The following STXBP5 variants were observed in gnomAD, a reference collection of about 807,000 sequenced individuals.
STXBP5 encodes syntaxin binding protein 5.
STXBP5 carries 50 observed loss-of-function variants against 152.4 expected under a neutral mutation model. That is an observed-to-expected ratio of 0.33 (90% confidence interval 0.26 to 0.42). The LOEUF is 0.42. Ranked by LOEUF, STXBP5 falls within the 10% of genes least tolerant of loss-of-function variation. The pLI is 1.00. For synonymous variants in STXBP5, 492 were observed against 494.7 expected (o/e 0.99, Z 0.07); for missense variants, 1,167 against 1,388.6 (o/e 0.84, Z 2.54).
At position 147,220,167 on chromosome 6, in the gene STXBP5, A is replaced by C. The variant is rs142292684; in HGVS notation, c.248+14099A>C. Among the ~76,000 whole-genome samples, 364 of 152,082 alleles carry C rather than the reference A, an allele frequency of 2.4e-3. 4 individuals carry two copies. The highest frequency in any genetic ancestry group is 6.8e-3 in the Middle Eastern group (2 of 294). ...TAGAATTGTTTTGTTTAATCTCTAC[A>C]TATTTTGGGATTTTCCAGCTCTCTT... On this transcript the variant is annotated intron_variant, in intron 2 of 27. Transcript: ENST00000321680.
At chr6:147,355,738 A>C (rs560333423) in intron 22 of STXBP5, among the ~76,000 whole-genome samples, 1 of 152,256 alleles carries the variant, frequency 6.6e-6, no homozygotes, top group Non-Finnish European at 1.5e-5. Context: ...AGTTATGTAG[A>C]TTCAATAAAA....
intron 21 of STXBP5, among the ~76,000 whole-genome samples, chr6:147,352,542 C>T (rs752890557): frequency 1.3e-5 from 2 of 149,980 alleles, no homozygotes; most frequent in Admixed American, 6.6e-5. Flanking sequence ...CCCTGAGAGG[C>T]GGAGGCTGCA....
At chr6:147,242,459 C>T (rs1318898383) in intron 4 of STXBP5, among the ~76,000 whole-genome samples, 1 of 152,088 alleles carries the variant, frequency 6.6e-6, no homozygotes, top group African/African-American at 2.4e-5. Context: ...CAGTAATGTC[C>T]TAGGTCTTCA....
At chr6:147,307,545 A>G (rs578059468) in intron 9 of STXBP5, among the ~76,000 whole-genome samples, 2 of 152,214 alleles carry the variant, frequency 1.3e-5, no homozygotes, top group East Asian at 3.9e-4. Flanking sequence ...TGTATTTATG[A>G]CTAATTTCTT....
At chr6:147,255,720 C>G (rs1779327872) in intron 4 of STXBP5, among the ~76,000 whole-genome samples, 1 of 152,128 alleles carries the variant, frequency 6.6e-6, no homozygotes, top group Admixed American at 6.5e-5. Context: ...ACTATATTGC[C>G]CCGGGCTCAT....
At chr6:147,254,072 C>T (rs1316903029) in intron 4 of STXBP5, among the ~76,000 whole-genome samples, 1 of 152,158 alleles carries the variant, frequency 6.6e-6, no homozygotes, top group Admixed American at 6.5e-5. Context: ...ACCAAAATAG[C>T]ATGGTACTGG....
chr6:147,280,850 T>A (rs899926580), intron 8 of STXBP5, among the ~76,000 whole-genome samples: 2 of 152,178 alleles, frequency 1.3e-5, no homozygotes, highest in African/African-American at 4.8e-5. Flanking sequence ...ATAAATGGAT[T>A]TTTTTCTGTG....
intron 8 of STXBP5, among the ~76,000 whole-genome samples, chr6:147,287,711 T>C (rs1389727087): frequency 6.6e-6 from 1 of 152,334 alleles, no homozygotes; most frequent in East Asian, 1.9e-4. Flanking sequence ...TTCTTAAACA[T>C]TGCAAATTAT....
chr6:147,226,157 G>A (rs1777699004), intron 2 of STXBP5, among the ~76,000 whole-genome samples: 1 of 152,002 alleles, frequency 6.6e-6, no homozygotes, highest in Admixed American at 6.6e-5. Flanking sequence ...AAACAAAAAA[G>A]CCAGGGGTAG....
chr6:147,217,206 T>C (rs117620146), intron 2 of STXBP5, among the ~76,000 whole-genome samples: 1 of 152,188 alleles, frequency 6.6e-6, no homozygotes, highest in Non-Finnish European at 1.5e-5. Context: ...TCTTTTTGTC[T>C]TTTGAAAAGG....
At chr6:147,316,937 T>G (rs2128376463) in intron 16 of STXBP5, among the ~76,000 whole-genome samples, 1 of 152,330 alleles carries the variant, frequency 6.6e-6, no homozygotes, top group South Asian at 2.1e-4. Flanking sequence ...TCTGTCCAAT[T>G]TTTATTATTG....
chr6:147,326,080 G>A (rs1449482384), intron 17 of STXBP5, among the ~76,000 whole-genome samples: 4 of 152,004 alleles, frequency 2.6e-5, no homozygotes, highest in Non-Finnish European at 5.9e-5. Flanking sequence ...AGTATCTGTG[G>A]GGGTCCTGGA....
chr6:147,211,768 A>G (rs776242583), intron 2 of STXBP5, among the ~76,000 whole-genome samples: 6 of 152,050 alleles, frequency 3.9e-5, no homozygotes, highest in Non-Finnish European at 4.4e-5. Flanking sequence ...TTTGGCGGAG[A>G]CAGAGTTTCA....
At chr6:147,224,931 C>G (rs1272009221) in intron 2 of STXBP5, among the ~76,000 whole-genome samples, 1 of 152,114 alleles carries the variant, frequency 6.6e-6, no homozygotes, top group Non-Finnish European at 1.5e-5. Flanking sequence ...TAAATCTCTT[C>G]AAGACTTAGG....
chr6:147,230,236 C>T (rs376255127), intron 2 of STXBP5, among the ~76,000 whole-genome samples: 24 of 151,896 alleles, frequency 1.6e-4, no homozygotes, highest in African/African-American at 1.7e-4. Context: ...CTCTCAGTAG[C>T]TGTAGGCTTT....
At chr6:147,208,897 C>T (rs1042705961) in intron 2 of STXBP5, among the ~76,000 whole-genome samples, 6 of 151,858 alleles carry the variant, frequency 4.0e-5, no homozygotes, top group Non-Finnish European at 7.4e-5. Flanking sequence ...AATTATGAGG[C>T]AAAATAAATT....
intron 16 of STXBP5, among the ~76,000 whole-genome samples, chr6:147,319,141 TATAGTAGACCA>T (rs1384093288): frequency 1.3e-5 from 2 of 152,188 alleles, no homozygotes; most frequent in Non-Finnish European, 2.9e-5. Flanking sequence ...AGTATATTGT[TATAGTAGACCA>T]CCTGGTGACA....
At chr6:147,283,132 A>C (rs1330731166) in intron 8 of STXBP5, among the ~76,000 whole-genome samples, 1 of 152,238 alleles carries the variant, frequency 6.6e-6, no homozygotes, top group Non-Finnish European at 1.5e-5. Flanking sequence ...ATAGGAAATG[A>C]TATTTTAAAT....
At chr6:147,290,792 T>C (rs976070779) in intron 8 of STXBP5, among the ~76,000 whole-genome samples, 2 of 152,236 alleles carry the variant, frequency 1.3e-5, no homozygotes, top group Non-Finnish European at 2.9e-5. Context: ...TGAAATTCTA[T>C]GTTGCTTATC....
Sources: gnomAD v4.1 joint callset for allele counts (sites outside exome capture counted in the v4.1 genomes callset) on GRCh38, gnomAD v4.1.1 for gene constraint, MANE v1.5 for transcripts, NCBI Gene and HGNC (gene_info 2026-07-23, HGNC 2026-07-21) for gene names.